PPARGC1A: variants seen among roughly 807,000 people sequenced by gnomAD.
The protein encoded by PPARGC1A is PPARG coactivator 1 alpha, also known as peroxisome proliferator-activated receptor gamma coactivator 1-alpha.
In PPARGC1A, 25 loss-of-function variants were observed where a neutral mutation model predicts 88.7. That is an observed-to-expected ratio of 0.28 (90% CI 0.21 to 0.39). The LOEUF is 0.39. PPARGC1A is among the 10% of genes least tolerant of loss of function. The pLI is 1.00. For synonymous variants in PPARGC1A, 363 were observed against 355.6 expected (o/e 1.02, Z -0.24); for missense variants, 880 against 968.7 (o/e 0.91, Z 1.22).
chr4:23,885,745 T>C (rs183476612), intron 1 of PPARGC1A, among the ~76,000 whole-genome samples: 90 of 152,336 alleles, frequency 5.9e-4, no homozygotes, highest in Non-Finnish European at 2.5e-4. Context: ...ATACCATCAC[T>C]ATATTTTGTT....
the PPARGC1A span, among the ~76,000 whole-genome samples, chr4:24,107,846 ATAGAGT>A: frequency 6.6e-6 from 1 of 152,198 alleles, no homozygotes; most frequent in Non-Finnish European, 1.5e-5. Flanking sequence ...ACCCAGGGTG[ATAGAGT>A]TTCAGAATGG....
At chr4:23,828,837 T>C (rs1367470769) in intron 4 of PPARGC1A, among the ~76,000 whole-genome samples, 1 of 152,164 alleles carries the variant, frequency 6.6e-6, no homozygotes, top group Non-Finnish European at 1.5e-5. Flanking sequence ...ATGTTCCTAC[T>C]CAGCAACATG....
chr4:24,026,375 C>T, the PPARGC1A span, among the ~76,000 whole-genome samples: 3 of 152,272 alleles, frequency 2.0e-5, no homozygotes, highest in East Asian at 1.9e-4. Context: ...GTACATGGAA[C>T]TCCTGGTAGA....
At chr4:23,874,184 T>C (rs1714198011) in intron 2 of PPARGC1A, among the ~76,000 whole-genome samples, 2 of 152,306 alleles carry the variant, frequency 1.3e-5, no homozygotes, top group African/African-American at 4.8e-5. Context: ...GTGTTACATA[T>C]TCACTGTGAA....
At chr4:24,413,703 C>A in the PPARGC1A span, among the ~76,000 whole-genome samples, 1 of 152,040 alleles carries the variant, frequency 6.6e-6, no homozygotes, top group Non-Finnish European at 1.5e-5. Context: ...GGCTTCGCAG[C>A]TGGAGAGGAG....
the PPARGC1A span, among the ~76,000 whole-genome samples, chr4:24,424,362 A>C: frequency 2.5e-4 from 31 of 124,038 alleles, no homozygotes; most frequent in Non-Finnish European, 1.9e-4. Context: ...TGCAAGCTCC[A>C]CCTCCCGGGT....
rs957908642 is a variant in PPARGC1A, at chr4:23,889,494, A to T, written c.54+410T>A. 5 of 458,450 alleles carry T rather than the reference A, an allele frequency of 1.1e-5. No individual in the cohort carries two copies. In the South Asian group the frequency reaches 4.7e-4, roughly 43 times the overall value. 28.4% of individuals were successfully genotyped at this position (458,450 alleles called of 1,614,324 possible). A position where few individuals can be genotyped will look rare whatever the true frequency, so the allele number is the denominator to read the frequency against. ...GTCAAAACGGACTATATTTGAACAC[A>T]TCCATTTTAATATTTTTATCTTCGT... On this transcript the variant is annotated intron_variant, in intron 1 of 12. Coordinates refer to ENST00000264867, the MANE Select transcript of PPARGC1A (RefSeq NM_013261.5).
the PPARGC1A span, among the ~76,000 whole-genome samples, chr4:24,112,001 A>G: frequency 2.3e-4 from 35 of 152,222 alleles, no homozygotes; most frequent in African/African-American, 8.2e-4. Context: ...TTGACTTTAG[A>G]CAAAATAAAC....
the PPARGC1A span, among the ~76,000 whole-genome samples, chr4:24,259,135 T>C: frequency 6.6e-6 from 1 of 152,008 alleles, no homozygotes; most frequent in Non-Finnish European, 1.5e-5. Flanking sequence ...AAAGGATGAG[T>C]TTGGGTTCTG....
chr4:24,117,143 TC>T, the PPARGC1A span, among the ~76,000 whole-genome samples: 1 of 152,172 alleles, frequency 6.6e-6, no homozygotes, highest in Non-Finnish European at 1.5e-5. Flanking sequence ...TCTTTTGAAA[TC>T]CCAAAGTAAT....
At chr4:23,947,773 C>T in the PPARGC1A span, among the ~76,000 whole-genome samples, 1 of 152,092 alleles carries the variant, frequency 6.6e-6, no homozygotes, top group African/African-American at 2.4e-5. Flanking sequence ...GGCATGTGGC[C>T]ACCTGTTAGA....
the PPARGC1A span, among the ~76,000 whole-genome samples, chr4:23,919,818 T>TA: frequency 1.3e-5 from 2 of 152,090 alleles, no homozygotes; most frequent in African/African-American, 4.8e-5. Flanking sequence ...AACATACAGA[T>TA]AGAGAGCAGG....
chr4:23,937,188 G>T, the PPARGC1A span, among the ~76,000 whole-genome samples: 2 of 151,228 alleles, frequency 1.3e-5, no homozygotes, highest in African/African-American at 4.9e-5. Flanking sequence ...AAGTCCCTAG[G>T]TAGCTTCTCC....
the PPARGC1A span, among the ~76,000 whole-genome samples, chr4:24,163,245 C>A: frequency 6.7e-6 from 1 of 149,032 alleles, no homozygotes; most frequent in East Asian, 2.0e-4. Context: ...CAGCCACTTC[C>A]AAAAGTAAGA....
chr4:24,075,506 C>T, the PPARGC1A span, among the ~76,000 whole-genome samples: 1 of 152,164 alleles, frequency 6.6e-6, no homozygotes, highest in South Asian at 2.1e-4. Flanking sequence ...CCTGCTCCAA[C>T]TGTGAAATAC....
chr4:24,231,233 C>T, the PPARGC1A span, among the ~76,000 whole-genome samples: 3 of 152,196 alleles, frequency 2.0e-5, no homozygotes, highest in Admixed American at 2.0e-4. Flanking sequence ...GTCCTCTCTA[C>T]AGCTATGGAC....
At chr4:24,448,468 T>C in the PPARGC1A span, among the ~76,000 whole-genome samples, 1 of 152,220 alleles carries the variant, frequency 6.6e-6, no homozygotes, top group East Asian at 1.9e-4. Flanking sequence ...AGAGTGATCT[T>C]TGAAAAACAT....
At chr4:24,130,009 G>T in the PPARGC1A span, among the ~76,000 whole-genome samples, 6 of 152,044 alleles carry the variant, frequency 3.9e-5, no homozygotes, top group African/African-American at 1.2e-4. Flanking sequence ...GGGGTGGGGG[G>T]ACCGGGGAGG....
At chr4:23,996,275 T>C in the PPARGC1A span, among the ~76,000 whole-genome samples, 6 of 152,174 alleles carry the variant, frequency 3.9e-5, no homozygotes, top group Non-Finnish European at 8.8e-5. Flanking sequence ...CCAAGTCACA[T>C]GGAAATTGAG....
Sources: gnomAD v4.1 joint callset for allele counts (sites outside exome capture counted in the v4.1 genomes callset) on GRCh38, gnomAD v4.1.1 for gene constraint, MANE v1.5 for transcripts, NCBI Gene and HGNC (gene_info 2026-07-23, HGNC 2026-07-21) for gene names.